DYNC1LI2: variants seen among roughly 807,000 people sequenced by gnomAD.
DYNC1LI2 encodes cytoplasmic dynein 1 light intermediate chain 2.
A neutral mutation model predicts 57.8 loss-of-function variants in DYNC1LI2; 19 were observed. The ratio of observed to expected loss-of-function variants is 0.33; its 90% confidence interval spans 0.23 to 0.48. DYNC1LI2 has a LOEUF of 0.48. DYNC1LI2 is among the 20% of genes least tolerant of loss of function. DYNC1LI2 has a pLI of 0.99. For missense variants in DYNC1LI2, 470 were observed against 604.2 expected (o/e 0.78, Z 2.33); for synonymous variants, 256 against 233.4 (o/e 1.10, Z -0.88).
intron 2 of DYNC1LI2, among the ~76,000 whole-genome samples, chr16:66,749,710 C>T (rs1309336788): frequency 6.6e-6 from 1 of 152,140 alleles, no homozygotes; most frequent in Non-Finnish European, 1.5e-5. Context: ...ATACAATTAA[C>T]CTAAAAGTCC....
chr16:66,723,231 C>T lies in DYNC1LI2; in HGVS notation c.*491G>A, dbSNP rs558037340. On this transcript the variant is annotated 3_prime_UTR_variant, in exon 13 of 13. Coordinates refer to ENST00000258198, the MANE Select transcript of DYNC1LI2 (RefSeq NM_006141.3). ...GACACTGCTCATCTCCTCCTTCCTC[C>T]ACCTCCCTCAACATTCAGCTTCCCC... 67 of 417,374 alleles carry T rather than the reference C, an allele frequency of 1.6e-4. 1 individual carries two copies. The highest frequency in any genetic ancestry group is 1.3e-3 in the African/African-American group (64 of 49,284). The allele number at this position is 417,374 out of a possible 1,614,324, so 25.9% of individuals were successfully genotyped here. A position where few individuals can be genotyped will look rare whatever the true frequency, so the allele number is the denominator to read the frequency against.
intron 6 of DYNC1LI2, chr16:66,732,690 A>C (rs148787347): frequency 5.0e-6 from 2 of 400,648 alleles, no homozygotes; most frequent in African/African-American, 4.1e-5. Flanking sequence ...TAAAAAGGTC[A>C]TAGTAGCAGA....
chr16:66,742,605 A>G lies in DYNC1LI2; in HGVS notation c.362T>C (p.Phe121Ser), dbSNP rs1672213902. 1 of 1,614,104 alleles carries G rather than the reference A, an allele frequency of 6.2e-7. No individual in the cohort carries two copies. The highest frequency in any genetic ancestry group is 1.1e-5 in the South Asian group (1 of 91,084). Residue 121 changes from phenylalanine (F) to serine (S), a missense_variant, in exon 4 of 13, where the codon TTT becomes TCT. Phe to Ser is a radical substitution (Grantham distance 155). Transcript: ENST00000258198. Reference protein sequence around the residue: ...GDLYHKGLLKFAVSAESLPET... With the variant: ...GDLYHKGLLKSAVSAESLPET... ...TGGCAAGGATTCAGCAGAAACTGCA[A>G]ATTTCAGCAGGCCTTTGTGGTACAA...
At chr16:66,729,839 T>G (rs111420970) in intron 8 of DYNC1LI2, among the ~76,000 whole-genome samples, 1,930 of 152,206 alleles carry the variant, frequency 0.013, 41 homozygotes, top group South Asian at 0.094. Flanking sequence ...TGGAGTGCAG[T>G]GGCGCAATCT....
rs772356583 is a variant in DYNC1LI2 at position 66,727,811 on chromosome 16, T to G, written c.1144-6A>C. The G allele has an allele frequency of 6.2e-7, 1 of 1,607,804 alleles. No homozygotes were observed. Among genetic ancestry groups the G allele is most frequent in the Admixed American group, 1.7e-5 (1 of 58,688 alleles). On this transcript the variant is annotated splice_polypyrimidine_tract_variant and splice_region_variant and intron_variant, in intron 10 of 12. Coordinates refer to ENST00000258198, the MANE Select transcript of DYNC1LI2 (RefSeq NM_006141.3). The stretch of plus-strand genomic sequence containing the variant: ...GGTCCTCTTGCAGGAGATTCCTAAG[T>G]CCAAAAGCAGCTAAGGTCACACACA...
intron 3 of DYNC1LI2, among the ~76,000 whole-genome samples, chr16:66,744,358 G>C (rs537909138): frequency 1.5e-4 from 23 of 152,166 alleles, no homozygotes; most frequent in South Asian, 1.5e-3. Context: ...AGCCAGAACT[G>C]GTAATTGTTG....
chr16:66,729,085 T>G lies in DYNC1LI2; in HGVS notation c.1056A>C (p.Lys352Asn). 1.9e-6 allele frequency: 3 copies of G among 1,614,168 alleles called. No homozygotes were observed. The highest frequency in any genetic ancestry group is 2.5e-6 in the Non-Finnish European group (3 of 1,180,046). The change falls in exon 9 of 13, where the codon AAA (lysine) becomes AAC (asparagine). Residue 352 changes from lysine to asparagine, a missense_variant. Transcript: ENST00000258198. ...CCTGCTCATCTTCTGCTGCCAACTCTTTGTCGTGGACCAGCTGTGAAACAA... is the reference window on the plus strand; with the variant it reads ...CCTGCTCATCTTCTGCTGCCAACTCGTTGTCGTGGACCAGCTGTGAAACAA... ...KPPVRKLVHD[K>N]ELAAEDEQVF...
At chr16:66,728,750 T>C (rs1330002868) in intron 9 of DYNC1LI2, among the ~76,000 whole-genome samples, 1 of 152,168 alleles carries the variant, frequency 6.6e-6, no homozygotes, top group Admixed American at 6.6e-5. Flanking sequence ...ACTGTCAACA[T>C]AGGAAGTATT....
Position 66,751,172 on chromosome 16 carries a change from G to T in DYNC1LI2, c.181+101C>A. 1.5e-6 allele frequency: 2 copies of T among 1,345,716 alleles called. No individual in the cohort carries two copies. Among genetic ancestry groups the T allele is most frequent in the Non-Finnish European group, 2.0e-6 (2 of 993,636 alleles). The allele number at this position is 1,345,716 out of a possible 1,614,324, so 83.4% of individuals were successfully genotyped here. On this transcript the variant is annotated intron_variant, in intron 2 of 12. Transcript: ENST00000258198. This position sits in a 1 kb window ranked among gnomAD's most constrained non-coding sequence, Gnocchi z 5.2. ...CCGACGGTCCCTTTCCCGCCAGGCT[G>T]CGGGCAGGCGGCTGGAACGGGGAAG...
chr16:66,737,536 T>C (rs1163368377), intron 4 of DYNC1LI2, among the ~76,000 whole-genome samples: 1 of 150,444 alleles, frequency 6.6e-6, no homozygotes, highest in African/African-American at 2.4e-5. Flanking sequence ...TTGAATTTTA[T>C]AAGAACATGC....
chr16:66,742,721 T>C (rs1393445238), intron 3 of DYNC1LI2, 53 bp from the exon 4 acceptor site: 4 of 1,553,810 alleles, frequency 2.6e-6, no homozygotes, highest in Admixed American at 1.8e-5. Context: ...ACCATCAGCA[T>C]AGCTGCAGAA....
At chr16:66,725,606 C>G (rs1334417352) in intron 12 of DYNC1LI2, among the ~76,000 whole-genome samples, 1 of 152,204 alleles carries the variant, frequency 6.6e-6, no homozygotes, top group Admixed American at 6.5e-5. Flanking sequence ...TTCCCGAGAA[C>G]CCAAATGTAC....
At chr16:66,731,996 T>C (rs2017644941) in intron 7 of DYNC1LI2, 1 of 211,734 alleles carries the variant, frequency 4.7e-6, no homozygotes, top group East Asian at 1.1e-4. Context: ...AACACACAGA[T>C]AAAGCAGGCG....
intron 5 of DYNC1LI2, among the ~76,000 whole-genome samples, chr16:66,734,866 G>A (rs528587560): frequency 1.3e-5 from 2 of 150,996 alleles, no homozygotes; most frequent in South Asian, 2.1e-4. Flanking sequence ...GCATGGTGGC[G>A]GACACCTGTA....
At chr16:66,740,113 A>G (rs1479347356) in intron 4 of DYNC1LI2, among the ~76,000 whole-genome samples, 1 of 152,214 alleles carries the variant, frequency 6.6e-6, no homozygotes, top group East Asian at 1.9e-4. Context: ...AGAGAAGACT[A>G]AAGTACAAAA....
intron 3 of DYNC1LI2, among the ~76,000 whole-genome samples, chr16:66,747,425 T>C (rs2145008482): frequency 6.6e-6 from 1 of 152,222 alleles, no homozygotes; most frequent in East Asian, 1.9e-4. Flanking sequence ...ATTACGGTGC[T>C]GGAAAGGACC....
Position 66,720,912 on chromosome 16 carries a change from G to C in DYNC1LI2, c.*2810C>G, listed in dbSNP as rs1298954389. 6.5e-6 allele frequency: 1 copy of C among 152,700 alleles called. No individual in the cohort carries two copies. The highest frequency in any genetic ancestry group is 1.9e-4 in the East Asian group (1 of 5,186). The allele number at this position is 152,700 out of a possible 1,614,324, so 9.5% of individuals were successfully genotyped here. A position where few individuals can be genotyped will look rare whatever the true frequency, so the allele number is the denominator to read the frequency against. On this transcript the variant is annotated 3_prime_UTR_variant, in exon 13 of 13. Coordinates refer to ENST00000258198, the MANE Select transcript of DYNC1LI2 (RefSeq NM_006141.3). ...CAAAACTTGTAAGCAGTCTGGATTC[G>C]TGTTTATTGAAGCCAGTAATTAGAG...
Position 66,751,577 on chromosome 16 carries a change from C to T in DYNC1LI2, c.15G>A (p.Gly5=). Residue 5 remains glycine, a synonymous_variant, in exon 1 of 13, where the codon GGG becomes GGA. Transcript: ENST00000258198. The surrounding 1 kb of genome is among the most constrained non-coding windows in gnomAD (Gnocchi z 5.2). MAPV[G]VEKKLLLGPN... is the part of the protein sequence containing the mutation. ...GACCTAGCAGCAGCTTCTTCTCCAC[C>T]CCCACCGGCGCCATCTTGCCAACTG... 1 of 1,578,138 alleles carries T rather than the reference C, an allele frequency of 6.3e-7. No individual in the cohort carries two copies.
chr16:66,743,819 A>G (rs562069962), intron 3 of DYNC1LI2, among the ~76,000 whole-genome samples: 31 of 152,342 alleles, frequency 2.0e-4, no homozygotes, highest in African/African-American at 7.2e-4. Context: ...ATGTGAAGAT[A>G]AAATCATCAC....
Sources: gnomAD v4.1 joint callset for allele counts (sites outside exome capture counted in the v4.1 genomes callset) on GRCh38, gnomAD v4.1.1 for gene constraint, Gnocchi (gnomAD v3.1) non-coding constraint, MANE v1.5 for transcripts, NCBI Gene and HGNC (gene_info 2026-07-23, HGNC 2026-07-21) for gene names.